POLR2D: variants seen among roughly 807,000 people sequenced by gnomAD.
The protein encoded by POLR2D is DNA-directed RNA polymerase II subunit RPB4.
POLR2D carries 10 observed loss-of-function variants against 17.6 expected under a neutral mutation model. The ratio of observed to expected loss-of-function variants is 0.57; its 90% CI spans 0.35 to 0.96. The LOEUF (loss-of-function observed/expected upper bound fraction) is 0.96, where lower values mean the gene tolerates loss of function less well. Ranked by LOEUF, POLR2D falls within the 40% of genes least tolerant of loss-of-function variation. The pLI is 0.02. For missense variants in POLR2D, 126 were observed against 176.4 expected (o/e 0.71, Z 1.62); for synonymous variants, 52 against 60.2 (o/e 0.86, Z 0.63).
In POLR2D at chr2:127,847,838, G is replaced by C. The variant is rs1690181093; in HGVS notation, c.*269C>G. The C allele has an allele frequency of 1.9e-5, 9 of 477,666 alleles. No homozygotes were observed. Among genetic ancestry groups the C allele is most frequent in the Non-Finnish European group, 3.4e-5 (9 of 265,086 alleles). The allele number at this position is 477,666 out of a possible 1,614,324, so 29.6% of individuals were successfully genotyped here. ...CAGGAATGAGGTAGTCAACAGTGTG[G>C]TTATGTGACCCCTCATCTCACACTT... On this transcript the variant is annotated 3_prime_UTR_variant, in exon 4 of 4. Coordinates refer to ENST00000272645, the MANE Select transcript of POLR2D (RefSeq NM_004805.4).
chr2:127,844,915 A>C lies in POLR2D; in HGVS notation c.*3192T>G, dbSNP rs1184422671. On this transcript the variant is annotated 3_prime_UTR_variant, in exon 4 of 4. Coordinates refer to ENST00000272645, the MANE Select transcript of POLR2D (RefSeq NM_004805.4). The stretch of plus-strand genomic sequence containing the variant: ...GTGATCCACCCGCCTCGGCCTCCCA[A>C]AGTGCTGGGATTACAGGTGTGAGCC... 1 of 152,214 alleles carries C rather than the reference A, an allele frequency of 6.6e-6. No individual in the cohort carries two copies. Among genetic ancestry groups the C allele is most frequent in the Non-Finnish European group, 1.5e-5 (1 of 68,072 alleles). 9.4% of individuals were successfully genotyped at this position (152,214 alleles called of 1,614,324 possible). A position where few individuals can be genotyped will look rare whatever the true frequency, so the allele number is the denominator to read the frequency against.
intron 3 of POLR2D, among the ~76,000 whole-genome samples, chr2:127,849,273 C>T (rs1690207100): frequency 6.7e-6 from 1 of 148,860 alleles, no homozygotes; most frequent in South Asian, 2.1e-4. Context: ...AACCTCCTGA[C>T]CTTGTGATCC....
rs14506 is a variant in POLR2D at position 127,846,779 on chromosome 2, T to C, written c.*1328A>G. 6,692 of 160,042 alleles carry C rather than the reference T, an allele frequency of 0.042. 480 individuals are homozygous for C. Among genetic ancestry groups the C allele is most frequent in the African/African-American group, 0.15 (6,296 of 41,708 alleles). The allele number at this position is 160,042 out of a possible 1,614,324, so 9.9% of individuals were successfully genotyped here. The stretch of plus-strand genomic sequence containing the variant: ...ATGGGGCAGCACCTGCAGGTCTACG[T>C]TGGGGTGGAGGTGTTCGGTCCTTGC... On this transcript the variant is annotated 3_prime_UTR_variant, in exon 4 of 4. Transcript: ENST00000272645.
Position 127,843,588 on chromosome 2 carries a change from G to A in POLR2D, c.*4519C>T, listed in dbSNP as rs1690104034. 6.6e-6 allele frequency: 1 copy of A among 152,174 alleles called. No individual in the cohort carries two copies. The highest frequency in any genetic ancestry group is 1.5e-5 in the Non-Finnish European group (1 of 68,022). The allele number at this position is 152,174 out of a possible 1,614,324, so 9.4% of individuals were successfully genotyped here. On this transcript the variant is annotated 3_prime_UTR_variant, in exon 4 of 4. Transcript: ENST00000272645. Reference sequence around the variant, plus strand: ...TGCTTTTTATTAACAGTATTACTAAGGCAACTCATCGATGCTGAAGTCCCA... The same window carrying A: ...TGCTTTTTATTAACAGTATTACTAAAGCAACTCATCGATGCTGAAGTCCCA...
At position 127,844,662 on chromosome 2, in the gene POLR2D, T is replaced by C. The variant is rs1429474526; in HGVS notation, c.*3445A>G. On this transcript the variant is annotated 3_prime_UTR_variant, in exon 4 of 4. Coordinates refer to ENST00000272645, the MANE Select transcript of POLR2D (RefSeq NM_004805.4). The stretch of plus-strand genomic sequence containing the variant: ...GTATGAGCTGCTTTTTATTATTTTA[T>C]TTTTTTTCAAGATGGAGTCTCGCTC... 6.6e-6 allele frequency: 1 copy of C among 152,068 alleles called. No homozygotes were observed. Among genetic ancestry groups the C allele is most frequent in the East Asian group, 1.9e-4 (1 of 5,188 alleles). 9.4% of individuals were successfully genotyped at this position (152,068 alleles called of 1,614,324 possible). A position where few individuals can be genotyped will look rare whatever the true frequency, so the allele number is the denominator to read the frequency against.
chr2:127,848,740 T>A (rs927723326), intron 3 of POLR2D, among the ~76,000 whole-genome samples: 1 of 152,170 alleles, frequency 6.6e-6, no homozygotes, highest in Non-Finnish European at 1.5e-5. Flanking sequence ...ACGGTCTCGA[T>A]CTCCTGACCT....
intron 2 of POLR2D, among the ~76,000 whole-genome samples, chr2:127,851,514 T>C (rs942209825): frequency 1.3e-5 from 2 of 152,174 alleles, no homozygotes; most frequent in African/African-American, 4.8e-5. Context: ...GGCAGGAGGA[T>C]CACTTGAGTC....
intron 3 of POLR2D, among the ~76,000 whole-genome samples, chr2:127,850,362 C>T (rs1033296836): frequency 1.3e-5 from 2 of 148,244 alleles, no homozygotes; most frequent in Non-Finnish European, 3.0e-5. Context: ...ATCGCTTGAA[C>T]CCAGGAGACA....
chr2:127,852,912 T>C lies in POLR2D; in HGVS notation c.254+13A>G. ...ATGGTTTGGATTAATAAAAACTTTC[T>C]TTTAGCACTCACCTACGAACACTGG... is the stretch of plus-strand genomic sequence containing the variant. On this transcript the variant is annotated intron_variant, in intron 2 of 3. Transcript: ENST00000272645. The surrounding 1 kb of genome is among the most constrained non-coding windows in gnomAD (Gnocchi z 4.0). 2 of 1,601,618 alleles carry C rather than the reference T, an allele frequency of 1.2e-6. No homozygotes were observed. Among genetic ancestry groups the C allele is most frequent in the Non-Finnish European group, 1.7e-6 (2 of 1,171,206 alleles).
At chr2:127,857,657 C>A (rs1462877832) in intron 1 of POLR2D, 1 of 289,822 alleles carries the variant, frequency 3.5e-6, no homozygotes, top group Non-Finnish European at 5.3e-6. Flanking sequence ...TTCCCTAATT[C>A]TCCGTTAAAA....
chr2:127,850,783 T>G, intron 2 of POLR2D, 98 bp from the exon 3 acceptor site: 1 of 647,422 alleles, frequency 1.5e-6, no homozygotes. Flanking sequence ...CAAACGTAGC[T>G]AGTATTTAAA....
chr2:127,846,687 T>C lies in POLR2D; in HGVS notation c.*1420A>G, dbSNP rs1310082835. The C allele has an allele frequency of 2.0e-5, 3 of 152,658 alleles. No individual in the cohort carries two copies. In the East Asian group the frequency reaches 5.8e-4, roughly 29 times the overall value. 9.5% of individuals were successfully genotyped at this position (152,658 alleles called of 1,614,324 possible). On this transcript the variant is annotated 3_prime_UTR_variant, in exon 4 of 4. Transcript: ENST00000272645. ...TTTTAAGTAGAATTGCAATTTTATT[T>C]TTCTCCAGAGAAGTTTTTCTTCAGT... is the stretch of plus-strand genomic sequence containing the variant.
At chr2:127,857,002 C>G (rs911198048) in intron 1 of POLR2D, 1 of 152,184 alleles carries the variant, frequency 6.6e-6, no homozygotes, top group Non-Finnish European at 1.5e-5. Flanking sequence ...TACCACTGCA[C>G]CCCAGCCTGG....
In POLR2D at chr2:127,852,083, C is replaced by T. The variant is rs1486997860; in HGVS notation, c.254+842G>A. 1.3e-5 allele frequency among the ~76,000 whole-genome samples: 2 copies of T among 152,104 alleles called. No homozygotes were observed. The highest frequency in any genetic ancestry group is 6.5e-5 in the Admixed American group (1 of 15,276). ...GAATTACAGGCATGAGCCACTGCAC[C>T]CGGCCAATCCCAGCACTTTGGGGGG... On this transcript the variant is annotated intron_variant, in intron 2 of 3. Transcript: ENST00000272645. This position sits in a 1 kb window ranked among gnomAD's most constrained non-coding sequence, Gnocchi z 4.0.
At chr2:127,856,968 G>C (rs1266363600) in intron 1 of POLR2D, 1 of 152,140 alleles carries the variant, frequency 6.6e-6, no homozygotes, top group African/African-American at 2.4e-5. Context: ...CCCAGGAGAC[G>C]GAGGTTGCAG....
In POLR2D at chr2:127,847,633, TAAAA is replaced by T. The variant is rs755224601; in HGVS notation, c.*470_*473del. The T allele has an allele frequency of 1.1e-4, 16 of 145,948 alleles. No homozygotes were observed. The highest frequency in any genetic ancestry group is 6.2e-4 in the East Asian group (3 of 4,844). The allele number at this position is 145,948 out of a possible 1,614,324, so 9.0% of individuals were successfully genotyped here. On this transcript the variant is annotated 3_prime_UTR_variant, in exon 4 of 4. Transcript: ENST00000272645. ...CAAGAGTTAAGACCCTATCTCCATT[TAAAA>T]AAAAAAAAAAAAAGCATTTCAAACT...
rs1690116372 is a variant in POLR2D, at chr2:127,844,339, G to A, written c.*3768C>T. ...TCTAAGGTATTCTGTTACAGCGCAGGAACAAACTAAGACACTAAAACTTTC... is the reference window on the plus strand; with the variant it reads ...TCTAAGGTATTCTGTTACAGCGCAGAAACAAACTAAGACACTAAAACTTTC... On this transcript the variant is annotated 3_prime_UTR_variant, in exon 4 of 4. Coordinates refer to ENST00000272645, the MANE Select transcript of POLR2D (RefSeq NM_004805.4). 6.6e-6 allele frequency: 1 copy of A among 152,046 alleles called. No individual in the cohort carries two copies. Among genetic ancestry groups the A allele is most frequent in the Non-Finnish European group, 1.5e-5 (1 of 68,008 alleles). The allele number at this position is 152,046 out of a possible 1,614,324, so 9.4% of individuals were successfully genotyped here.
rs185527010 is a variant in POLR2D at position 127,847,669 on chromosome 2, G to C, written c.*438C>G. The stretch of plus-strand genomic sequence containing the variant: ...AAAAAAAGCATTTCAAACTAACAGC[G>C]GTTTAATTCTTCCTTTAGTATCTAG... On this transcript the variant is annotated 3_prime_UTR_variant, in exon 4 of 4. Coordinates refer to ENST00000272645, the MANE Select transcript of POLR2D (RefSeq NM_004805.4). 1 of 167,112 alleles carries C rather than the reference G, an allele frequency of 6.0e-6. No homozygotes were observed. Among genetic ancestry groups the C allele is most frequent in the East Asian group, 1.8e-4 (1 of 5,410 alleles). 10.4% of individuals were successfully genotyped at this position (167,112 alleles called of 1,614,324 possible). A position where few individuals can be genotyped will look rare whatever the true frequency, so the allele number is the denominator to read the frequency against.
Position 127,845,539 on chromosome 2 carries a change from C to G in POLR2D, c.*2568G>C, listed in dbSNP as rs896949894. On this transcript the variant is annotated 3_prime_UTR_variant, in exon 4 of 4. Coordinates refer to ENST00000272645, the MANE Select transcript of POLR2D (RefSeq NM_004805.4). ...TACAGGCATGCGCCACCACGCCCCG[C>G]TAATTTTGTATTTTAAGTAGAGACG... 2.0e-5 allele frequency: 3 copies of G among 152,050 alleles called. No individual in the cohort carries two copies. The highest frequency in any genetic ancestry group is 4.4e-5 in the Non-Finnish European group (3 of 68,048). 9.4% of individuals were successfully genotyped at this position (152,050 alleles called of 1,614,324 possible). A position where few individuals can be genotyped will look rare whatever the true frequency, so the allele number is the denominator to read the frequency against.
Sources: allele counts gnomAD v4.1 joint callset (sites outside exome capture counted in the v4.1 genomes callset), GRCh38; gene constraint gnomAD v4.1.1; non-coding constraint Gnocchi (gnomAD v3.1); transcripts MANE v1.5; gene names NCBI Gene and HGNC (gene_info 2026-07-23, HGNC 2026-07-21).